SNRPF: variants seen among roughly 807,000 people sequenced by gnomAD.
SNRPF encodes small nuclear ribonucleoprotein polypeptide F, also known as small nuclear ribonucleoprotein F.
Under a neutral mutation model 13.4 loss-of-function variants are expected in SNRPF, and 1 was observed. That is an observed-to-expected ratio of 0.07 (90% CI 0.03 to 0.35). SNRPF has a LOEUF of 0.35. Ranked by LOEUF, SNRPF falls within the 10% of genes least tolerant of loss-of-function variation. The probability of loss-of-function intolerance (pLI) is 0.99; values close to 1 mark genes in which losing one functional copy is unlikely to be tolerated. For synonymous variants in SNRPF, 27 were observed against 32.1 expected, an observed-to-expected ratio of 0.84 and a Z score of 0.54; for missense variants, 53 against 101.0, an observed-to-expected ratio of 0.52 and a Z score of 2.04.
In SNRPF at chr12:95,861,148, CT is replaced by C. The variant is rs753240185; in HGVS notation, c.4-14del. On this transcript the variant is annotated intron_variant, in intron 1 of 3. Transcript: ENST00000266735. Reference sequence around the variant, plus strand: ...GGGAGGAAAAATAATTAATTAGATCCTTTTTTGTTCTTTGTGCAGAGTTTAC... The same window carrying C: ...GGGAGGAAAAATAATTAATTAGATCCTTTTTGTTCTTTGTGCAGAGTTTAC... The C allele has an allele frequency of 1.3e-6, 2 of 1,590,590 alleles. No homozygotes were observed. The highest frequency in any genetic ancestry group is 1.1e-5 in the South Asian group (1 of 87,764).
chr12:95,861,155 G>A lies in SNRPF; in HGVS notation c.4-13G>A. The A allele has an allele frequency of 6.3e-7, 1 of 1,590,632 alleles. No individual in the cohort carries two copies. The highest frequency in any genetic ancestry group is 1.1e-5 in the South Asian group (1 of 87,480). ...AAAATAATTAATTAGATCCTTTTTT[G>A]TTCTTTGTGCAGAGTTTACCCCTCA... is the stretch of plus-strand genomic sequence containing the variant. On this transcript the variant is annotated splice_polypyrimidine_tract_variant and intron_variant, in intron 1 of 3. Transcript: ENST00000266735.
chr12:95,860,212 C>G (rs2079488542), intron 1 of SNRPF, among the ~76,000 whole-genome samples: 1 of 152,212 alleles, frequency 6.6e-6, no homozygotes, highest in Admixed American at 6.5e-5. Context: ...TAAATACTGT[C>G]AAGCGTGATC....
At chr12:95,860,897 G>T (rs2121390929) in intron 1 of SNRPF, among the ~76,000 whole-genome samples, 1 of 94,654 alleles carries the variant, frequency 1.1e-5, no homozygotes. Flanking sequence ...TGTTTCTTTA[G>T]AGCTCAGAAC....
chr12:95,861,887 C>G (rs2079498186), intron 2 of SNRPF: 1 of 152,162 alleles, frequency 6.6e-6, no homozygotes. Context: ...GCATTAAGTA[C>G]CTTCACATTG....
At chr12:95,861,395 G>T in intron 2 of SNRPF, 102 bp downstream of exon 2, 1 of 1,140,824 alleles carries the variant, frequency 8.8e-7, no homozygotes. Flanking sequence ...CAATTAAATT[G>T]ACAAATATAC....
chr12:95,860,253 T>G (rs1362756074), intron 1 of SNRPF, among the ~76,000 whole-genome samples: 1 of 152,232 alleles, frequency 6.6e-6, no homozygotes, highest in Non-Finnish European at 1.5e-5. Context: ...AGTTTTATAT[T>G]TGGGGCTTTG....
intron 2 of SNRPF, among the ~76,000 whole-genome samples, chr12:95,862,937 A>G (rs2079502992): frequency 1.3e-5 from 2 of 151,960 alleles, no homozygotes; most frequent in Non-Finnish European, 2.9e-5. Flanking sequence ...TTTATTGGCC[A>G]TTTGTTTATC....
chr12:95,860,017 G>A (rs560977062), intron 1 of SNRPF, among the ~76,000 whole-genome samples: 1 of 152,184 alleles, frequency 6.6e-6, no homozygotes, highest in Non-Finnish European at 1.5e-5. Context: ...ATGTTAGAGG[G>A]GGTTAGTAGC....
chr12:95,865,307 T>G lies in SNRPF; in HGVS notation c.130-17T>G, dbSNP rs772468515. The G allele has an allele frequency of 7.6e-7, 1 of 1,321,102 alleles. No individual in the cohort carries two copies. The highest frequency in any genetic ancestry group is 1.4e-5 in the African/African-American group (1 of 69,280). The allele number at this position is 1,321,102 out of a possible 1,614,324, so 81.8% of individuals were successfully genotyped here. A position where few individuals can be genotyped will look rare whatever the true frequency, so the allele number is the denominator to read the frequency against. On this transcript the variant is annotated splice_polypyrimidine_tract_variant and intron_variant, in intron 2 of 3. Transcript: ENST00000266735. Reference sequence around the variant, plus strand: ...CCTCCTGTGTGATTATACTAATATATTTCTTTTTATTGAAAGCTTGCAAAT... The same window carrying G: ...CCTCCTGTGTGATTATACTAATATAGTTCTTTTTATTGAAAGCTTGCAAAT...
chr12:95,864,158 A>G (rs2079510314), intron 2 of SNRPF, among the ~76,000 whole-genome samples: 1 of 152,216 alleles, frequency 6.6e-6, no homozygotes, highest in African/African-American at 2.4e-5. Context: ...TTTGTTGTCT[A>G]TAAGAAAGGG....
At chr12:95,861,520 G>C in intron 2 of SNRPF, 1 of 333,920 alleles carries the variant, frequency 3.0e-6, no homozygotes, top group Non-Finnish European at 5.6e-6. Flanking sequence ...GTTAAAGTAG[G>C]AAGAGCTCAG....
Position 95,858,954 on chromosome 12 carries a change from G to C in SNRPF, c.-120G>C. On this transcript the variant is annotated 5_prime_UTR_variant, in exon 1 of 4. Coordinates refer to ENST00000266735, the MANE Select transcript of SNRPF (RefSeq NM_003095.5). Reference sequence around the variant, plus strand: ...GTGGGAGGTGAAAGGTCATAGTCCTGTTTGGCGGCCATTTCTCTTGAAACT... The same window carrying C: ...GTGGGAGGTGAAAGGTCATAGTCCTCTTTGGCGGCCATTTCTCTTGAAACT... 6.9e-7 allele frequency: 1 copy of C among 1,441,940 alleles called. No homozygotes were observed. Among genetic ancestry groups the C allele is most frequent in the Non-Finnish European group, 9.6e-7 (1 of 1,045,010 alleles). 89.3% of individuals were successfully genotyped at this position (1,441,940 alleles called of 1,614,324 possible).
chr12:95,859,125 G>C (rs1294766832), intron 1 of SNRPF, 49 bp downstream of exon 1: 9 of 1,525,890 alleles, frequency 5.9e-6, no homozygotes, highest in Non-Finnish European at 8.2e-6. Flanking sequence ...GAGAAGGAGG[G>C]AGACCAGCCT....
chr12:95,861,114 G>T (rs572956163), intron 1 of SNRPF, 54 bp from the exon 2 acceptor site: 1 of 1,545,298 alleles, frequency 6.5e-7, no homozygotes, highest in African/African-American at 1.4e-5. Context: ...GTAGAAGAGA[G>T]TTGGTGGTGG....
intron 2 of SNRPF, among the ~76,000 whole-genome samples, chr12:95,863,276 G>T (rs1267435078): frequency 6.6e-6 from 1 of 152,164 alleles, no homozygotes; most frequent in African/African-American, 2.4e-5. Flanking sequence ...GGAAGTATAT[G>T]AATTGTGATG....
chr12:95,865,412 T>C (rs1409545026), intron 3 of SNRPF, 24 bp downstream of exon 3: 2 of 1,188,122 alleles, frequency 1.7e-6, no homozygotes, highest in African/African-American at 3.0e-5. Flanking sequence ...GTAGTATATG[T>C]AAGGAGTTAC....
At position 95,860,146 on chromosome 12, in the gene SNRPF, G is replaced by A. The variant is rs139185511; in HGVS notation, c.4-1022G>A. Among the ~76,000 whole-genome samples, 954 of 152,326 alleles carry A rather than the reference G, an allele frequency of 6.3e-3. 12 individuals are homozygous for A. Among genetic ancestry groups the A allele is most frequent in the African/African-American group, 0.022 (923 of 41,574 alleles). ...AATAGACATTAAGTAATTGCTGTAA[G>A]TAAGAGGCGGTGCTACTGACAAAGT... is the stretch of plus-strand genomic sequence containing the variant. On this transcript the variant is annotated intron_variant, in intron 1 of 3. Transcript: ENST00000266735.
intron 2 of SNRPF, 156 bp downstream of exon 2, chr12:95,861,449 A>T: frequency 3.7e-6 from 2 of 547,938 alleles, no homozygotes; most frequent in Non-Finnish European, 6.3e-6. Flanking sequence ...GGATACTGTG[A>T]TATACTAGGT....
rs1165082596 is a variant in SNRPF, at chr12:95,864,017, G to A, written c.130-1307G>A. Among the ~76,000 whole-genome samples, 3 of 152,184 alleles carry A rather than the reference G, an allele frequency of 2.0e-5. No individual in the cohort carries two copies. The East Asian group carries it at 5.8e-4, about 29-fold the overall frequency. On this transcript the variant is annotated intron_variant, in intron 2 of 3. Coordinates refer to ENST00000266735, the MANE Select transcript of SNRPF (RefSeq NM_003095.5). ...ATTGTGTAATTTAGAAATGTTAAAT[G>A]TTGTAATTACTTTTTACAAAAAATT...
Sources: allele counts gnomAD v4.1 joint callset (sites outside exome capture counted in the v4.1 genomes callset), GRCh38; gene constraint gnomAD v4.1.1; transcripts MANE v1.5; gene names NCBI Gene and HGNC (gene_info 2026-07-23, HGNC 2026-07-21).